The following CAPN13 variants were observed in gnomAD, a reference collection of about 807,000 sequenced individuals.
The protein encoded by CAPN13 is calpain-13.
In CAPN13, 90 loss-of-function variants were observed where a neutral mutation model predicts 98.4. The ratio of observed to expected loss-of-function variants is 0.92; its 90% CI spans 0.77 to 1.09. CAPN13 has a LOEUF of 1.09. Among genes scored for constraint, CAPN13 ranks in the 50% least tolerant of loss-of-function variants. The probability of loss-of-function intolerance (pLI) is 0.00; values close to 1 mark genes in which losing one functional copy is unlikely to be tolerated. For synonymous variants in CAPN13, 330 were observed against 305.5 expected, an observed-to-expected ratio of 1.08 and a Z score of -0.84; for missense variants, 887 against 841.3, an observed-to-expected ratio of 1.05 and a Z score of -0.67.
intron 2 of CAPN13, among the ~76,000 whole-genome samples, chr2:30,779,838 T>C (rs1673896660): frequency 6.6e-6 from 1 of 152,106 alleles, no homozygotes. Context: ...TTGAAAGTAA[T>C]GGCCAATAAT....
intron 2 of CAPN13, among the ~76,000 whole-genome samples, chr2:30,779,850 G>C (rs1673897146): frequency 6.6e-6 from 1 of 151,902 alleles, no homozygotes; most frequent in African/African-American, 2.4e-5. Context: ...GCCAATAATG[G>C]TTTTTGCCAT....
At chr2:30,741,742 G>A in intron 15 of CAPN13, 166 bp downstream of exon 15, 1 of 1,467,872 alleles carries the variant, frequency 6.8e-7, no homozygotes, top group Non-Finnish European at 9.0e-7. Flanking sequence ...TACCGAGCTT[G>A]GCAGCCACAG....
intron 18 of CAPN13, 78 bp from the exon 19 acceptor site, chr2:30,734,602 G>T (rs529827519): frequency 1.7e-6 from 2 of 1,199,288 alleles, no homozygotes; most frequent in Non-Finnish European, 2.4e-6. Flanking sequence ...CTGGGAGCTT[G>T]CTTCCCTAAA....
Position 30,764,318 on chromosome 2 carries a change from T to C in CAPN13, c.525-12A>G, listed in dbSNP as rs746990212. On this transcript the variant is annotated splice_polypyrimidine_tract_variant and intron_variant, in intron 5 of 22. Transcript: ENST00000295055. ...AGGATCCGAGCAGCCTGGGAGGGAATGGGGGATGAACCATCGTGGTGCCTT... is the reference window on the plus strand; with the variant it reads ...AGGATCCGAGCAGCCTGGGAGGGAACGGGGGATGAACCATCGTGGTGCCTT... 2 of 1,612,534 alleles carry C rather than the reference T, an allele frequency of 1.2e-6. No individual in the cohort carries two copies. The highest frequency in any genetic ancestry group is 8.5e-7 in the Non-Finnish European group (1 of 1,179,362).
intron 6 of CAPN13, among the ~76,000 whole-genome samples, chr2:30,763,459 T>TG (rs1199361471): frequency 2.6e-5 from 4 of 152,260 alleles, no homozygotes; most frequent in Non-Finnish European, 1.5e-5. Flanking sequence ...CAAATATGTC[T>TG]GCTGGGACAT....
In CAPN13 at chr2:30,777,482, C is replaced by T. The variant is rs569217312; in HGVS notation, c.271+85G>A. Reference sequence around the variant, plus strand: ...ACCAAGGGAACTGGCCTTTCTCCCTCAGAAGTGGGGCAGGACTCTGTGGGT... The same window carrying T: ...ACCAAGGGAACTGGCCTTTCTCCCTTAGAAGTGGGGCAGGACTCTGTGGGT... On this transcript the variant is annotated intron_variant, in intron 3 of 22. Transcript: ENST00000295055. 1.9e-5 allele frequency: 24 copies of T among 1,246,868 alleles called. No individual in the cohort carries two copies. In the Middle Eastern group the frequency reaches 6.7e-4, roughly 35 times the overall value. The allele number at this position is 1,246,868 out of a possible 1,614,324, so 77.2% of individuals were successfully genotyped here.
At chr2:30,787,687 C>T (rs1401900580) in intron 1 of CAPN13, among the ~76,000 whole-genome samples, 1 of 152,198 alleles carries the variant, frequency 6.6e-6, no homozygotes, top group Non-Finnish European at 1.5e-5. Flanking sequence ...TCCACAGCTT[C>T]CCTGAGCAGC....
At chr2:30,755,387 T>C (rs1028686489) in intron 8 of CAPN13, among the ~76,000 whole-genome samples, 1 of 152,190 alleles carries the variant, frequency 6.6e-6, no homozygotes, top group African/African-American at 2.4e-5. Context: ...CTGGCCATCC[T>C]ATCATCACAG....
chr2:30,762,948 C>G, intron 7 of CAPN13, 134 bp downstream of exon 7: 2 of 663,482 alleles, frequency 3.0e-6, no homozygotes, highest in Admixed American at 5.8e-5. Flanking sequence ...GTGCATGTCA[C>G]CACAGAGGCA....
At chr2:30,778,787 G>A (rs539463594) in intron 2 of CAPN13, among the ~76,000 whole-genome samples, 37 of 152,206 alleles carry the variant, frequency 2.4e-4, no homozygotes, top group Non-Finnish European at 3.5e-4. Flanking sequence ...AACTGACCCC[G>A]TCACATGCCG....
At chr2:30,749,763 G>A (rs1034822250) in intron 11 of CAPN13, among the ~76,000 whole-genome samples, 2 of 149,890 alleles carry the variant, frequency 1.3e-5, no homozygotes, top group Admixed American at 1.3e-4. Flanking sequence ...CCCAGCGTGT[G>A]CATGATCTTA....
chr2:30,767,539 G>A (rs1558323269), intron 5 of CAPN13, among the ~76,000 whole-genome samples: 1 of 152,204 alleles, frequency 6.6e-6, no homozygotes, highest in Non-Finnish European at 1.5e-5. Flanking sequence ...ACGAGGCCCT[G>A]AAGAGATGAG....
intron 15 of CAPN13, among the ~76,000 whole-genome samples, chr2:30,739,976 G>A (rs1474061321): frequency 6.6e-6 from 1 of 152,040 alleles, no homozygotes; most frequent in Non-Finnish European, 1.5e-5. Flanking sequence ...TCATCCCAGA[G>A]TCTAAGTGGA....
chr2:30,791,694 G>A (rs547918992), intron 1 of CAPN13, among the ~76,000 whole-genome samples: 40 of 152,322 alleles, frequency 2.6e-4, no homozygotes, highest in African/African-American at 9.1e-4. Context: ...AGAACATCCT[G>A]ACTCAAGTCC....
rs572384133 is a variant in CAPN13 at position 30,775,937 on chromosome 2, C to T, written c.380G>A (p.Arg127His). The stretch of plus-strand genomic sequence containing the variant: ...CTGCAAGGGCACACGTACCCGGAAA[C>T]GGAAAATGCCAGCATACTGGTGTGA... Reference protein sequence around the residue: ...SFSHQYAGIFRFRFWQCGQWV... With the variant: ...SFSHQYAGIFHFRFWQCGQWV... Residue 127 changes from arginine (R) to histidine (H), a missense_variant, in exon 4 of 23, where the codon CGT becomes CAT. Arg to His is a conservative substitution (Grantham distance 29, BLOSUM62 0). Transcript: ENST00000295055. 1.3e-4 allele frequency: 202 copies of T among 1,607,112 alleles called. No homozygotes were observed. The South Asian group carries it at 1.6e-3, about 13-fold the overall frequency.
chr2:30,743,481 G>A lies in CAPN13; in HGVS notation c.1347C>T (p.Tyr449=), dbSNP rs1335454638. Reference sequence around the variant, plus strand: ...CAACATAGTTCCCAGGGCTCAGATGGTAAGTCATGGTGAAGTTGCGGCGGA... The same window carrying A: ...CAACATAGTTCCCAGGGCTCAGATGATAAGTCATGGTGAAGTTGCGGCGGA... The part of the protein sequence containing the change: ...NKFRRNFTMT[Y]HLSPGNYVVV... Residue 449 remains tyrosine, a synonymous_variant, in exon 13 of 23, where the codon TAC becomes TAT. Coordinates refer to ENST00000295055, the MANE Select transcript of CAPN13 (RefSeq NM_144575.3). 6.2e-7 allele frequency: 1 copy of A among 1,613,938 alleles called. No individual in the cohort carries two copies. The highest frequency in any genetic ancestry group is 1.7e-5 in the Admixed American group (1 of 60,030).
chr2:30,801,588 G>A (rs554436537), intron 1 of CAPN13, among the ~76,000 whole-genome samples: 12 of 134,512 alleles, frequency 8.9e-5, no homozygotes, highest in African/African-American at 3.3e-4. Flanking sequence ...CTGGGTGATA[G>A]AGGGAGACTC....
In CAPN13 at chr2:30,754,035, C is replaced by A. The variant is rs139133891; in HGVS notation, c.941+255G>T. 2.0e-5 allele frequency among the ~76,000 whole-genome samples: 3 copies of A among 152,258 alleles called. No individual in the cohort carries two copies. The East Asian group carries it at 5.8e-4, about 29-fold the overall frequency. ...AACCACAGATTTCAAGCCTTTGGTG[C>A]CAATGTTCTCTTTTACTATTAAAAT... On this transcript the variant is annotated intron_variant, in intron 9 of 22. Transcript: ENST00000295055.
chr2:30,788,108 C>T (rs955589925), intron 1 of CAPN13, among the ~76,000 whole-genome samples: 11 of 152,098 alleles, frequency 7.2e-5, no homozygotes, highest in South Asian at 2.1e-4. Context: ...AAAAAGAAAA[C>T]GAAGAAAAGA....
Sources: allele counts gnomAD v4.1 joint callset (sites outside exome capture counted in the v4.1 genomes callset), GRCh38; gene constraint gnomAD v4.1.1; transcripts MANE v1.5; gene names NCBI Gene and HGNC (gene_info 2026-07-23, HGNC 2026-07-21).